The following ARB2A variants were observed in gnomAD, a reference collection of about 807,000 sequenced individuals.
ARB2A encodes the protein ARB2 cotranscriptional regulator A, also known as cotranscriptional regulator ARB2A.
the ARB2A span, among the ~76,000 whole-genome samples, chr5:93,941,322 C>T: frequency 1.3e-4 from 20 of 150,820 alleles, no homozygotes; most frequent in South Asian, 1.3e-3. Flanking sequence ...GAAAAGGGAT[C>T]GACATTTAAA....
chr5:93,886,925 C>G, the ARB2A span, among the ~76,000 whole-genome samples: 1 of 151,572 alleles, frequency 6.6e-6, no homozygotes, highest in Non-Finnish European at 1.5e-5. Context: ...TAATATGGAC[C>G]AACATAGATT....
chr5:94,016,718 A>G, the ARB2A span, among the ~76,000 whole-genome samples: 1 of 152,200 alleles, frequency 6.6e-6, no homozygotes, highest in African/African-American at 2.4e-5. Context: ...TAACCTTACT[A>G]TTACAAAATC....
the ARB2A span, among the ~76,000 whole-genome samples, chr5:93,877,447 G>A: frequency 6.6e-6 from 1 of 151,984 alleles, no homozygotes; most frequent in Admixed American, 6.6e-5. Context: ...CCATCCAAGG[G>A]ATTAAATTCT....
chr5:93,893,682 A>G, the ARB2A span, among the ~76,000 whole-genome samples: 2 of 152,238 alleles, frequency 1.3e-5, no homozygotes, highest in East Asian at 3.8e-4. Context: ...TACTTATTAA[A>G]GAAATATAAC....
the ARB2A span, among the ~76,000 whole-genome samples, chr5:94,047,398 A>G: frequency 2.0e-5 from 3 of 151,910 alleles, no homozygotes; most frequent in Non-Finnish European, 4.4e-5. Context: ...AGGCTGAGGC[A>G]GGAGAATCAC....
At chr5:93,645,155 C>A in the ARB2A span, among the ~76,000 whole-genome samples, 1 of 152,124 alleles carries the variant, frequency 6.6e-6, no homozygotes, top group East Asian at 1.9e-4. Context: ...ACACAGAAGG[C>A]AACATTTACA....
the ARB2A span, among the ~76,000 whole-genome samples, chr5:94,079,483 G>A: frequency 1.3e-5 from 2 of 152,172 alleles, no homozygotes; most frequent in Non-Finnish European, 2.9e-5. Flanking sequence ...AGGGGTAGCT[G>A]AGATTCTAAC....
the ARB2A span, among the ~76,000 whole-genome samples, chr5:94,098,417 AG>A: frequency 1.3e-5 from 2 of 152,254 alleles, no homozygotes; most frequent in Admixed American, 6.5e-5. Flanking sequence ...GCAGAGATCA[AG>A]AAGTTCCTTG....
At chr5:93,928,844 CT>C in the ARB2A span, among the ~76,000 whole-genome samples, 1 of 151,812 alleles carries the variant, frequency 6.6e-6, no homozygotes, top group Non-Finnish European at 1.5e-5. Flanking sequence ...TGTTGATGGG[CT>C]ATATGGGAAA....
the ARB2A span, among the ~76,000 whole-genome samples, chr5:93,690,300 T>C: frequency 2.0e-5 from 3 of 152,184 alleles, no homozygotes; most frequent in African/African-American, 4.8e-5. Context: ...CTAAGATCCA[T>C]TGGCTTGAAA....
the ARB2A span, among the ~76,000 whole-genome samples, chr5:94,101,924 C>A: frequency 9.3e-5 from 14 of 151,316 alleles, no homozygotes; most frequent in Middle Eastern, 3.4e-3. Context: ...AACCTACACA[C>A]GTATCCCCAA....
the ARB2A span, among the ~76,000 whole-genome samples, chr5:93,932,352 G>A: frequency 6.6e-6 from 1 of 152,196 alleles, no homozygotes; most frequent in Non-Finnish European, 1.5e-5. Flanking sequence ...TAGATAGACG[G>A]AAAGCAATTA....
the ARB2A span, among the ~76,000 whole-genome samples, chr5:93,816,202 G>T: frequency 1.3e-5 from 2 of 152,076 alleles, no homozygotes; most frequent in Admixed American, 1.3e-4. Context: ...CACTGTGCCT[G>T]GGAATTTTAT....
the ARB2A span, among the ~76,000 whole-genome samples, chr5:93,752,430 TA>T: frequency 1.3e-5 from 2 of 152,178 alleles, no homozygotes; most frequent in African/African-American, 2.4e-5. Flanking sequence ...AATAATTAGT[TA>T]AAAAAATTTT....
chr5:93,929,243 C>T, the ARB2A span, among the ~76,000 whole-genome samples: 1 of 152,034 alleles, frequency 6.6e-6, no homozygotes, highest in Non-Finnish European at 1.5e-5. Flanking sequence ...ATGTCAAAAG[C>T]GACTCTCAGG....
the ARB2A span, among the ~76,000 whole-genome samples, chr5:93,857,512 G>A: frequency 2.0e-5 from 3 of 152,102 alleles, no homozygotes; most frequent in East Asian, 1.9e-4. Flanking sequence ...CCCGAGCCTC[G>A]CTGTCACTTT....
At chr5:94,090,350 C>T in the ARB2A span, among the ~76,000 whole-genome samples, 1 of 152,238 alleles carries the variant, frequency 6.6e-6, no homozygotes, top group African/African-American at 2.4e-5. Flanking sequence ...TATAAGAATG[C>T]TTGTGATTTC....
At chr5:93,690,600 T>C in the ARB2A span, among the ~76,000 whole-genome samples, 1 of 152,046 alleles carries the variant, frequency 6.6e-6, no homozygotes, top group African/African-American at 2.4e-5. Context: ...ACATAGCACC[T>C]GGGGGAAGGG....
At chr5:94,081,249 G>C in the ARB2A span, among the ~76,000 whole-genome samples, 15 of 152,142 alleles carry the variant, frequency 9.9e-5, no homozygotes, top group African/African-American at 3.4e-4. Context: ...ACAATTGCTG[G>C]TATGATGCAG....
Sources: gnomAD v4.1 joint callset for allele counts (sites outside exome capture counted in the v4.1 genomes callset) on GRCh38, gnomAD v4.1.1 for gene constraint, MANE v1.5 for transcripts, NCBI Gene and HGNC (gene_info 2026-07-23, HGNC 2026-07-21) for gene names.